NDC1: variants seen among roughly 807,000 people sequenced by gnomAD.
NDC1 encodes NDC1 transmembrane nucleoporin, also known as nucleoporin NDC1.
NDC1 carries 24 observed loss-of-function variants against 89.8 expected under a neutral mutation model. The observed-to-expected ratio is 0.27, with a 90% CI of 0.19 to 0.38. The LOEUF is 0.38. Ranked by LOEUF, NDC1 falls within the 10% of genes least tolerant of loss-of-function variation. NDC1 has a pLI of 1.00. For synonymous variants in NDC1, 296 were observed against 284.8 expected (o/e 1.04, Z -0.39); for missense variants, 728 against 797.6 (o/e 0.91, Z 1.05).
At chr1:53,830,591 T>C (rs1256100386) in intron 3 of NDC1, among the ~76,000 whole-genome samples, 1 of 152,202 alleles carries the variant, frequency 6.6e-6, no homozygotes, top group Non-Finnish European at 1.5e-5. Flanking sequence ...CTGGGCGCGG[T>C]GGCTCATGCT....
chr1:53,782,646 G>A (rs1647222971), intron 16 of NDC1, among the ~76,000 whole-genome samples: 1 of 152,140 alleles, frequency 6.6e-6, no homozygotes, highest in East Asian at 1.9e-4. Context: ...AGGCCTAAGG[G>A]AAAAATTCAG....
chr1:53,804,530 G>A (rs1354992888), intron 9 of NDC1, among the ~76,000 whole-genome samples: 1 of 152,088 alleles, frequency 6.6e-6, no homozygotes, highest in African/African-American at 2.4e-5. Flanking sequence ...AGGCTGGAGT[G>A]CAGTGATGTG....
chr1:53,788,142 A>C (rs1409213110), intron 15 of NDC1, among the ~76,000 whole-genome samples: 2 of 152,122 alleles, frequency 1.3e-5, no homozygotes, highest in African/African-American at 4.8e-5. Flanking sequence ...AAAAATATAA[A>C]ACTTAGCTGG....
At chr1:53,797,234 T>C in intron 11 of NDC1, 90 bp from the exon 12 acceptor site, 1 of 1,308,290 alleles carries the variant, frequency 7.6e-7, no homozygotes, top group Non-Finnish European at 1.1e-6. Context: ...ACCAAATTTT[T>C]GTTTAACGCA....
At chr1:53,795,283 A>C (rs1018859776) in intron 13 of NDC1, among the ~76,000 whole-genome samples, 2 of 152,098 alleles carry the variant, frequency 1.3e-5, no homozygotes, top group Non-Finnish European at 1.5e-5. Flanking sequence ...CTGTATTTAC[A>C]TTCAAGAGTT....
At chr1:53,783,728 T>G (rs1647241545) in intron 16 of NDC1, among the ~76,000 whole-genome samples, 1 of 152,212 alleles carries the variant, frequency 6.6e-6, no homozygotes, top group Admixed American at 6.5e-5. Context: ...GTGAGTTCGA[T>G]CTCTTGCTCT....
intron 1 of NDC1, among the ~76,000 whole-genome samples, chr1:53,837,607 G>C (rs886124971): frequency 2.0e-5 from 3 of 152,036 alleles, no homozygotes; most frequent in Admixed American, 2.0e-4. Context: ...GGACCCAAAA[G>C]TTTTTAGTTT....
intron 14 of NDC1, among the ~76,000 whole-genome samples, chr1:53,790,523 G>A (rs186498167): frequency 6.6e-6 from 1 of 151,802 alleles, no homozygotes; most frequent in East Asian, 1.9e-4. Flanking sequence ...CCTGGTCAAC[G>A]TGGTAAAACT....
intron 3 of NDC1, among the ~76,000 whole-genome samples, chr1:53,830,739 G>A (rs780240491): frequency 9.2e-5 from 14 of 151,676 alleles, no homozygotes; most frequent in Admixed American, 3.9e-4. Context: ...GTGCCTGCCT[G>A]TAATCCCAGC....
At chr1:53,779,547 C>T (rs80121058) in intron 16 of NDC1, among the ~76,000 whole-genome samples, 258 of 152,178 alleles carry the variant, frequency 1.7e-3, no homozygotes, top group Non-Finnish European at 2.8e-3. Context: ...GCCATTCTAT[C>T]GTGAAAAAGG....
chr1:53,816,452 G>A (rs1648478622), intron 6 of NDC1, among the ~76,000 whole-genome samples: 1 of 152,170 alleles, frequency 6.6e-6, no homozygotes, highest in South Asian at 2.1e-4. Context: ...ATCAACTCAA[G>A]ATGGATTAAG....
At chr1:53,768,144 T>G in intron 17 of NDC1, 111 bp from the exon 18 acceptor site, 3 of 595,764 alleles carry the variant, frequency 5.0e-6, no homozygotes, top group South Asian at 3.3e-5. Context: ...TGAATAGAAA[T>G]CTTCACTTAT....
chr1:53,786,163 T>C (rs947571182), intron 16 of NDC1, among the ~76,000 whole-genome samples: 3 of 152,088 alleles, frequency 2.0e-5, no homozygotes, highest in African/African-American at 7.2e-5. Context: ...TGAGCTCAGG[T>C]GATCTGCTCA....
intron 10 of NDC1, among the ~76,000 whole-genome samples, chr1:53,802,813 G>A (rs998532765): frequency 6.6e-6 from 1 of 152,194 alleles, no homozygotes; most frequent in African/African-American, 2.4e-5. Context: ...AGTATACACT[G>A]TAAGTGTTTC....
chr1:53,798,943 C>T (rs577623380), intron 11 of NDC1, among the ~76,000 whole-genome samples: 1 of 152,216 alleles, frequency 6.6e-6, no homozygotes, highest in South Asian at 2.1e-4. Flanking sequence ...AAGAGTTTTA[C>T]AATTATTCTT....
chr1:53,803,346 G>A (rs1647984722), intron 10 of NDC1, among the ~76,000 whole-genome samples: 1 of 151,202 alleles, frequency 6.6e-6, no homozygotes, highest in Admixed American at 6.6e-5. Flanking sequence ...GGATTACAGG[G>A]GTGAGCCACC....
intron 16 of NDC1, among the ~76,000 whole-genome samples, chr1:53,773,883 G>A (rs1255766430): frequency 1.1e-4 from 17 of 152,108 alleles, no homozygotes. Flanking sequence ...TGGAAGAGGA[G>A]CAATTACCCC....
intron 6 of NDC1, 137 bp from the exon 7 acceptor site, chr1:53,809,883 A>T (rs542584306): frequency 3.0e-6 from 2 of 659,338 alleles, no homozygotes; most frequent in Non-Finnish European, 2.8e-6. Context: ...ATTAGGAATG[A>T]GTAGGAAAAG....
intron 14 of NDC1, among the ~76,000 whole-genome samples, chr1:53,791,149 G>A (rs1647485292): frequency 6.6e-6 from 1 of 152,004 alleles, no homozygotes; most frequent in Non-Finnish European, 1.5e-5. Context: ...ATTTTTTTGT[G>A]CCTGACTTAT....
Sources: allele counts gnomAD v4.1 joint callset (sites outside exome capture counted in the v4.1 genomes callset), GRCh38; gene constraint gnomAD v4.1.1; transcripts MANE v1.5; gene names NCBI Gene and HGNC (gene_info 2026-07-23, HGNC 2026-07-21).